IL17RE: variants seen among roughly 807,000 people sequenced by gnomAD.
The protein encoded by IL17RE is interleukin-17 receptor E.
In IL17RE, 47 loss-of-function variants were observed where a neutral mutation model predicts 70.7. That is an observed-to-expected ratio of 0.67 (90% CI 0.53 to 0.85). The LOEUF is 0.85. Among genes scored for constraint, IL17RE ranks in the 40% least tolerant of loss-of-function variants. IL17RE has a pLI of 0.00. For missense variants in IL17RE, 850 were observed against 893.9 expected, an observed-to-expected ratio of 0.95 and a Z score of 0.63; for synonymous variants, 372 against 381.2, an observed-to-expected ratio of 0.98 and a Z score of 0.28.
At chr3:9,911,742 C>T in intron 12 of IL17RE, 145 bp downstream of exon 12, 1 of 732,696 alleles carries the variant, frequency 1.4e-6, no homozygotes, top group Non-Finnish European at 2.2e-6. Flanking sequence ...CGTGATCAGC[C>T]TCTGTTCAGC....
chr3:9,915,790 C>G lies in IL17RE; in HGVS notation c.1987C>G (p.Leu663Val). The change falls in exon 16 of 16, where the codon CTT becomes GTT. Residue 663 changes from leucine to valine, a missense_variant. Physicochemically the swap from Leu to Val is conservative, Grantham distance 32 (BLOSUM62 1). Transcript: ENST00000383814. The surrounding 1 kb of genome is among the most constrained non-coding windows in gnomAD (Gnocchi z 4.9). The stretch of plus-strand genomic sequence containing the variant: ...CCGGCTCGAACGAGAGGCCGCCCGA[C>G]TTGCAGACCTAGGTTGAGCAGAGCT... ...CSRLEREAAR[L>V]ADLG 6.5e-7 allele frequency: 1 copy of G among 1,532,884 alleles called. No individual in the cohort carries two copies. Among genetic ancestry groups the G allele is most frequent in the Non-Finnish European group, 8.7e-7 (1 of 1,151,744 alleles). 95.0% of individuals were successfully genotyped at this position (1,532,884 alleles called of 1,614,324 possible). A position where few individuals can be genotyped will look rare whatever the true frequency, so the allele number is the denominator to read the frequency against.
At chr3:9,905,323 G>T (rs1378302668) in intron 3 of IL17RE, among the ~76,000 whole-genome samples, 1 of 151,718 alleles carries the variant, frequency 6.6e-6, no homozygotes, top group East Asian at 1.9e-4. Context: ...AGGTGTGATG[G>T]TGCATGCCTG....
chr3:9,911,665 G>C (rs2082896616), intron 12 of IL17RE, 68 bp downstream of exon 12: 1 of 1,429,362 alleles, frequency 7.0e-7, no homozygotes, highest in Admixed American at 2.0e-5. Context: ...TGACCTCATT[G>C]AGATAGACCC....
At position 9,908,247 on chromosome 3, in the gene IL17RE, G is replaced by A. The variant is rs2082805710; in HGVS notation, c.675G>A (p.Val225=). The A allele has an allele frequency of 1.2e-6, 2 of 1,614,124 alleles. No homozygotes were observed. Among genetic ancestry groups the A allele is most frequent in the Non-Finnish European group, 1.7e-6 (2 of 1,179,980 alleles). ...TGCTGTTTCATCCACAGAAAATTGTGTCTGGGGGCCACACTGTAGAGCTGC... is the reference window on the plus strand; with the variant it reads ...TGCTGTTTCATCCACAGAAAATTGTATCTGGGGGCCACACTGTAGAGCTGC... ...LSSPYDVQKI[V]SGGHTVELPY... The change falls in exon 7 of 16, where the codon GTG becomes GTA. Residue 225 remains valine (V), a synonymous_variant. Transcript: ENST00000383814.
At chr3:9,902,831 G>A (rs575577926), upstream of IL17RE, 282 of 1,597,296 alleles carry the variant, frequency 1.8e-4, no homozygotes, top group African/African-American at 3.4e-3. Context: ...GCTGGGGCGA[G>A]GGCTCCTGCT....
At chr3:9,911,744 C>T in intron 12 of IL17RE, 147 bp downstream of exon 12, 1 of 733,246 alleles carries the variant, frequency 1.4e-6, no homozygotes, top group Non-Finnish European at 2.2e-6. Flanking sequence ...TGATCAGCCT[C>T]TGTTCAGCTA....
In IL17RE at chr3:9,909,948, G is replaced by A. The variant is rs552689270; in HGVS notation, c.802+665G>A. ...CAGAAAAAGGGCAAGACTTAGAAAG[G>A]AGAGATAGGAGGGAAAGACATTCCT... On this transcript the variant is annotated intron_variant, in intron 8 of 15. Coordinates refer to ENST00000383814, the MANE Select transcript of IL17RE (RefSeq NM_153480.2). 119 of 152,534 alleles carry A rather than the reference G, an allele frequency of 7.8e-4. 1 individual carries two copies. Among genetic ancestry groups the A allele is most frequent in the South Asian group, 1.7e-3 (8 of 4,830 alleles). 9.4% of individuals were successfully genotyped at this position (152,534 alleles called of 1,614,324 possible).
chr3:9,912,003 G>C lies in IL17RE; in HGVS notation c.1227+406G>C, dbSNP rs146536686. Reference sequence around the variant, plus strand: ...CAGGGGTCCCAATCCGTGAGCCGCAGACCAGTAACTGTCTGTGGTTTGTGA... The same window carrying C: ...CAGGGGTCCCAATCCGTGAGCCGCACACCAGTAACTGTCTGTGGTTTGTGA... On this transcript the variant is annotated intron_variant, in intron 12 of 15. Coordinates refer to ENST00000383814, the MANE Select transcript of IL17RE (RefSeq NM_153480.2). Among the ~76,000 whole-genome samples, 660 of 152,212 alleles carry C rather than the reference G, an allele frequency of 4.3e-3. 7 individuals are homozygous for C. Among genetic ancestry groups the C allele is most frequent in the African/African-American group, 0.015 (623 of 41,518 alleles).
rs1408048950 is a variant in IL17RE at position 9,903,054 on chromosome 3, C to T, written c.122C>T (p.Ala41Val). The T allele has an allele frequency of 6.2e-7, 1 of 1,613,890 alleles. No individual in the cohort carries two copies. Residue 41 changes from alanine (A) to valine (V), a missense_variant, in exon 1 of 16, where the codon GCC (alanine) becomes GTC (valine). Ala to Val is a moderately conservative substitution (Grantham distance 64, BLOSUM62 0). Transcript: ENST00000383814. ...LPHWNTRCPL[A>V]SHTDDSFTGS... ...CACTGGAACACCCGCTGTCCTCTGGCCTCCCACACGGTAAGGTGCTGCTGC... is the reference window on the plus strand; with the variant it reads ...CACTGGAACACCCGCTGTCCTCTGGTCTCCCACACGGTAAGGTGCTGCTGC...
intron 12 of IL17RE, among the ~76,000 whole-genome samples, chr3:9,913,370 C>T (rs749943706): frequency 1.3e-5 from 2 of 151,872 alleles, no homozygotes; most frequent in African/African-American, 4.8e-5. Flanking sequence ...CACCAGTGCA[C>T]TCCAGCCTGC....
rs1429147810 is a variant in IL17RE, at chr3:9,911,147, G to A, written c.999G>A (p.Val333=). The change falls in exon 10 of 16, where the codon GTG becomes GTA. Residue 333 remains valine (V), a synonymous_variant. Transcript: ENST00000383814. ...ESDGWYVLEK[V]DLHPQLCFKF... The stretch of plus-strand genomic sequence containing the variant: ...CACAGTGGTATGTTTTGGAGAAGGT[G>A]GACCTGCACCCCCAGCTCTGCTTCA... 1 of 1,614,194 alleles carries A rather than the reference G, an allele frequency of 6.2e-7. No homozygotes were observed. Among genetic ancestry groups the A allele is most frequent in the Non-Finnish European group, 8.5e-7 (1 of 1,180,026 alleles).
At chr3:9,910,653 C>G (rs980825611) in intron 8 of IL17RE, among the ~76,000 whole-genome samples, 1 of 152,120 alleles carries the variant, frequency 6.6e-6, no homozygotes, top group Non-Finnish European at 1.5e-5. Flanking sequence ...CCACTGCACT[C>G]CAGACTGGGC....
At chr3:9,911,824 C>A in intron 12 of IL17RE, 1 of 435,780 alleles carries the variant, frequency 2.3e-6, no homozygotes, top group Non-Finnish European at 4.1e-6. Flanking sequence ...TTTTTTGAGA[C>A]AGAGTCTCGC....
chr3:9,911,146 T>A lies in IL17RE; in HGVS notation c.998T>A (p.Val333Glu), dbSNP rs1197719665. Residue 333 changes from valine (V) to glutamate (E), a missense_variant, in exon 10 of 16, where the codon GTG becomes GAG. Physicochemically the swap from Val to Glu is moderately radical, Grantham distance 121. Coordinates refer to ENST00000383814, the MANE Select transcript of IL17RE (RefSeq NM_153480.2). ...CCACAGTGGTATGTTTTGGAGAAGGTGGACCTGCACCCCCAGCTCTGCTTC... is the reference window on the plus strand; with the variant it reads ...CCACAGTGGTATGTTTTGGAGAAGGAGGACCTGCACCCCCAGCTCTGCTTC... The part of the protein sequence containing the change: ...ESDGWYVLEK[V>E]DLHPQLCFKF... 6.2e-7 allele frequency: 1 copy of A among 1,614,206 alleles called. No homozygotes were observed. Among genetic ancestry groups the A allele is most frequent in the Non-Finnish European group, 8.5e-7 (1 of 1,180,036 alleles).
At chr3:9,913,406 AAAATAAATAAATAAAT>A (rs58140458) in intron 12 of IL17RE, among the ~76,000 whole-genome samples, 2 of 151,234 alleles carry the variant, frequency 1.3e-5, no homozygotes, top group East Asian at 1.9e-4. Flanking sequence ...TCTGTCTCAA[AAAATAAATAAATAAAT>A]AAATAAATAA....
chr3:9,902,751 G>T, upstream of IL17RE: 1 of 1,535,432 alleles, frequency 6.5e-7, no homozygotes, highest in Non-Finnish European at 8.7e-7. Context: ...CACTTGGAGG[G>T]GAAGGAATGT....
chr3:9,910,948 C>T lies in IL17RE; in HGVS notation c.886C>T (p.Pro296Ser). The change falls in exon 9 of 16, where the codon CCA becomes TCA. Residue 296 changes from proline (P) to serine (S), a missense_variant. Pro to Ser is a moderately conservative substitution (Grantham distance 74, BLOSUM62 -1). Coordinates refer to ENST00000383814, the MANE Select transcript of IL17RE (RefSeq NM_153480.2). Reference protein sequence around the residue: ...QMVMALTLRCPLKLEAALCQR... With the variant: ...QMVMALTLRCSLKLEAALCQR... ...GGTCATGGCCCTGACACTCCGCTGC[C>T]CACTGAAGCTGGAAGCTGCCCTCTG... 6.2e-7 allele frequency: 1 copy of T among 1,614,170 alleles called. No individual in the cohort carries two copies. The highest frequency in any genetic ancestry group is 8.5e-7 in the Non-Finnish European group (1 of 1,180,038).
rs943882747 is a variant in IL17RE at position 9,915,277 on chromosome 3, C to T, written c.1474C>T (p.Leu492Phe). Residue 492 changes from leucine (L) to phenylalanine (F), a missense_variant, in exon 16 of 16, where the codon CTC becomes TTC. Leu to Phe is a conservative substitution (Grantham distance 22). Coordinates refer to ENST00000383814, the MANE Select transcript of IL17RE (RefSeq NM_153480.2). The surrounding 1 kb of genome is among the most constrained non-coding windows in gnomAD (Gnocchi z 4.9). The part of the protein sequence containing the change: ...SGPGPARPVL[L>F]LHAADSEAQR... ...CCCGGGCCCAGCGCGGCCAGTGCTC[C>T]TCCTGCACGCGGCGGACTCGGAGGC... is the stretch of plus-strand genomic sequence containing the variant. The T allele has an allele frequency of 3.8e-5, 53 of 1,408,568 alleles. No individual in the cohort carries two copies. The highest frequency in any genetic ancestry group is 4.6e-5 in the Non-Finnish European group (50 of 1,089,226). The allele number at this position is 1,408,568 out of a possible 1,614,324, so 87.3% of individuals were successfully genotyped here.
chr3:9,915,407 TG>T lies in IL17RE; in HGVS notation c.1607del (p.Gly536AlafsTer13). ...TGGGAGGGGAGGCACGTGGCGCGCGTGGGCCCGCTGCCGTGGCTCTGGGCGG... is the reference window on the plus strand; with the variant it reads ...TGGGAGGGGAGGCACGTGGCGCGCGTGGCCCGCTGCCGTGGCTCTGGGCGG... ...DLWEGRHVAR[V>X]GPLPWLWAAR... is the part of the protein sequence containing the mutation. On this transcript the variant is annotated frameshift_variant, in exon 16 of 16. Transcript: ENST00000383814. LOFTEE classifies it low-confidence loss of function (END_TRUNC). The surrounding 1 kb of genome is among the most constrained non-coding windows in gnomAD (Gnocchi z 4.9). 1 of 1,361,890 alleles carries T rather than the reference TG, an allele frequency of 7.3e-7. No homozygotes were observed. The highest frequency in any genetic ancestry group is 3.8e-5 in the Admixed American group (1 of 26,174). 84.4% of individuals were successfully genotyped at this position (1,361,890 alleles called of 1,614,324 possible). A position where few individuals can be genotyped will look rare whatever the true frequency, so the allele number is the denominator to read the frequency against.
Sources: allele counts gnomAD v4.1 joint callset (sites outside exome capture counted in the v4.1 genomes callset), GRCh38; gene constraint gnomAD v4.1.1; non-coding constraint Gnocchi (gnomAD v3.1); transcripts MANE v1.5; gene names NCBI Gene and HGNC (gene_info 2026-07-23, HGNC 2026-07-21).